The following PRKG1 variants were observed in gnomAD, a reference collection of about 807,000 sequenced individuals.
The protein encoded by PRKG1 is protein kinase cGMP-dependent 1.
A neutral mutation model predicts 88.1 loss-of-function variants in PRKG1; 35 were observed. That is an observed-to-expected ratio of 0.40 (90% confidence interval 0.30 to 0.53). The LOEUF (loss-of-function observed/expected upper bound fraction) is 0.53. Among genes scored for constraint, PRKG1 ranks in the 20% least tolerant of loss-of-function variants. PRKG1 has a pLI of 0.59. For synonymous variants in PRKG1, 303 were observed against 292.5 expected (o/e 1.04, Z -0.37); for missense variants, 540 against 839.8 (o/e 0.64, Z 4.41).
At chr10:52,037,032 C>T (rs1007041892) in intron 5 of PRKG1, among the ~76,000 whole-genome samples, 2 of 152,284 alleles carry the variant, frequency 1.3e-5, no homozygotes, top group African/African-American at 4.8e-5. Flanking sequence ...TGTCAGTCTT[C>T]AGCCGCTAAG....
At chr10:51,040,756 G>T (rs1843410350) in intron 1 of PRKG1, among the ~76,000 whole-genome samples, 1 of 151,978 alleles carries the variant, frequency 6.6e-6, no homozygotes, top group African/African-American at 2.4e-5. Flanking sequence ...TTTTCAGATT[G>T]TTTGCTGTTG....
At chr10:51,506,240 C>T (rs1180410019) in intron 3 of PRKG1, among the ~76,000 whole-genome samples, 1 of 152,140 alleles carries the variant, frequency 6.6e-6, no homozygotes, top group Non-Finnish European at 1.5e-5. Flanking sequence ...AGGACATAGG[C>T]ATGGGCAAGG....
At chr10:51,788,244 T>C (rs1434562737) in intron 3 of PRKG1, among the ~76,000 whole-genome samples, 2 of 152,178 alleles carry the variant, frequency 1.3e-5, no homozygotes, top group Non-Finnish European at 2.9e-5. Flanking sequence ...TATTGCATAA[T>C]CATACAATCA....
At chr10:51,517,964 A>G (rs1167489519) in intron 3 of PRKG1, among the ~76,000 whole-genome samples, 2 of 152,096 alleles carry the variant, frequency 1.3e-5, no homozygotes, top group Non-Finnish European at 2.9e-5. Flanking sequence ...AAAGTCTGGC[A>G]TGTGTGCAAG....
At chr10:51,950,029 C>A (rs923967198) in intron 5 of PRKG1, among the ~76,000 whole-genome samples, 2 of 152,140 alleles carry the variant, frequency 1.3e-5, no homozygotes, top group East Asian at 1.9e-4. Context: ...TCACCAAAGG[C>A]ATTTTAGCAA....
At position 51,788,068 on chromosome 10, in the gene PRKG1, G is replaced by A. The variant is rs113715537; in HGVS notation, c.593-16517G>A. 1.0e-3 allele frequency among the ~76,000 whole-genome samples: 157 copies of A among 152,268 alleles called. 5 individuals carry two copies. Among genetic ancestry groups the A allele is most frequent in the Middle Eastern group, 6.8e-3 (2 of 294 alleles). ...CACTCACAATTGGTGCTATTGTGTG[G>A]AGAGAATGCTCAATGCATGAAAAAG... On this transcript the variant is annotated intron_variant, in intron 3 of 17. Transcript: ENST00000373980.
intron 2 of PRKG1, among the ~76,000 whole-genome samples, chr10:51,158,221 A>G (rs1011075927): frequency 9.2e-5 from 14 of 151,898 alleles, no homozygotes; most frequent in Non-Finnish European, 2.1e-4. Context: ...TCTCATAATG[A>G]CATTAAGAGG....
At chr10:51,192,099 T>C (rs545193892) in intron 2 of PRKG1, among the ~76,000 whole-genome samples, 1 of 151,586 alleles carries the variant, frequency 6.6e-6, no homozygotes, top group Non-Finnish European at 1.5e-5. Flanking sequence ...TTCCTCCTAA[T>C]TCTAGATTTA....
chr10:51,613,321 T>C (rs1838960909), intron 3 of PRKG1, among the ~76,000 whole-genome samples: 1 of 151,994 alleles, frequency 6.6e-6, no homozygotes, highest in South Asian at 2.1e-4. Flanking sequence ...TTATTTATAA[T>C]AGTTTCTGGT....
intron 3 of PRKG1, among the ~76,000 whole-genome samples, chr10:51,588,289 G>A (rs1838223083): frequency 6.6e-6 from 1 of 152,060 alleles, no homozygotes. Context: ...TGACATGATC[G>A]TATCAGTTTC....
chr10:52,289,100 C>A, intron 16 of PRKG1, 107 bp downstream of exon 16: 3 of 1,077,144 alleles, frequency 2.8e-6, no homozygotes, highest in South Asian at 1.5e-5. Context: ...TAGGAACATC[C>A]AAAGACAGCG....
chr10:51,459,756 T>C (rs988888008), intron 2 of PRKG1, among the ~76,000 whole-genome samples: 3 of 152,150 alleles, frequency 2.0e-5, no homozygotes, highest in Non-Finnish European at 2.9e-5. Context: ...CTAACATCAG[T>C]AGAGTGTCTT....
intron 7 of PRKG1, among the ~76,000 whole-genome samples, chr10:52,072,173 T>TTTTTTTTTTC: frequency 6.7e-6 from 1 of 148,264 alleles, no homozygotes; most frequent in Non-Finnish European, 1.5e-5. Context: ...TTTTTTTTTT[T>TTTTTTTTTTC]TTTTTTTTTT....
intron 3 of PRKG1, among the ~76,000 whole-genome samples, chr10:51,728,471 T>G (rs1450297988): frequency 6.7e-6 from 1 of 149,550 alleles, no homozygotes; most frequent in Non-Finnish European, 1.5e-5. Flanking sequence ...TTTTTTTTTT[T>G]TTTTTTTTTA....
At chr10:51,895,703 T>C (rs2132918365) in intron 4 of PRKG1, among the ~76,000 whole-genome samples, 1 of 152,262 alleles carries the variant, frequency 6.6e-6, no homozygotes, top group Middle Eastern at 3.4e-3. Context: ...TTCCGTCTAT[T>C]GGTCTCAGGG....
In PRKG1 at chr10:51,926,976, CA is replaced by C. The variant is rs1209550424; in HGVS notation, c.762+19407del. On this transcript the variant is annotated intron_variant, in intron 5 of 17. Transcript: ENST00000373980. ...GGATCCCATCTGCACCATGAATTTT[CA>C]GTTTGTTCTAGACCTTGATTCCTGT... 2.0e-5 allele frequency among the ~76,000 whole-genome samples: 3 copies of C among 152,026 alleles called. No individual in the cohort carries two copies. In the East Asian group the frequency reaches 5.8e-4, roughly 29 times the overall value.
At chr10:52,186,726 G>C (rs1839211063) in intron 9 of PRKG1, among the ~76,000 whole-genome samples, 1 of 151,710 alleles carries the variant, frequency 6.6e-6, no homozygotes, top group African/African-American at 2.4e-5. Context: ...CTAAATACAT[G>C]TGGAGGAGCC....
At chr10:51,209,013 A>G (rs567339443) in intron 2 of PRKG1, among the ~76,000 whole-genome samples, 1 of 152,292 alleles carries the variant, frequency 6.6e-6, no homozygotes, top group East Asian at 1.9e-4. Context: ...ATGCAGGCAG[A>G]TTTATAAAAT....
At chr10:51,066,400 T>C (rs1349075536) in intron 1 of PRKG1, among the ~76,000 whole-genome samples, 1 of 152,098 alleles carries the variant, frequency 6.6e-6, no homozygotes, top group East Asian at 1.9e-4. Context: ...GGCCACAGGC[T>C]GGGCAAATTG....
Sources: allele counts gnomAD v4.1 joint callset (sites outside exome capture counted in the v4.1 genomes callset), GRCh38; gene constraint gnomAD v4.1.1; transcripts MANE v1.5; gene names NCBI Gene and HGNC (gene_info 2026-07-23, HGNC 2026-07-21).